The following AP3S2 variants were observed in gnomAD, a reference collection of about 807,000 sequenced individuals.
The protein encoded by AP3S2 is AP-3 complex subunit sigma-2.
In AP3S2, 22 loss-of-function variants were observed where a neutral mutation model predicts 23.4. That is an observed-to-expected ratio of 0.94 (90% CI 0.67 to 1.34). The LOEUF (loss-of-function observed/expected upper bound fraction) is 1.34. Ranked by LOEUF, AP3S2 falls within the 40% of genes most tolerant of loss-of-function variation. AP3S2 has a pLI of 0.00. For missense variants in AP3S2, 241 were observed against 236.9 expected (o/e 1.02, Z -0.11); for synonymous variants, 86 against 87.1 (o/e 0.99, Z 0.07).
At chr15:89,873,158 T>C (rs1012417887) in intron 3 of AP3S2, among the ~76,000 whole-genome samples, 2 of 152,238 alleles carry the variant, frequency 1.3e-5, no homozygotes, top group African/African-American at 2.4e-5. Flanking sequence ...CTTATAATCC[T>C]GCAGTTCAAG....
chr15:89,871,376 A>T, intron 4 of AP3S2, 99 bp downstream of exon 4: 2 of 1,153,014 alleles, frequency 1.7e-6, no homozygotes, highest in Non-Finnish European at 2.4e-6. Flanking sequence ...AGTAAAAAAA[A>T]ACAAGAAACA....
chr15:89,885,593 T>G (rs977387611), intron 3 of AP3S2, among the ~76,000 whole-genome samples: 1 of 152,210 alleles, frequency 6.6e-6, no homozygotes, highest in Non-Finnish European at 1.5e-5. Context: ...TTTCTATTTC[T>G]GACTTCTATC....
At position 89,871,538 on chromosome 15, in the gene AP3S2, C is replaced by T. The variant is rs1159345666; in HGVS notation, c.282G>A (p.Val94=). The change falls in exon 4 of 6, where the codon GTG becomes GTA. Residue 94 remains valine, a synonymous_variant. Transcript: ENST00000336418. ...LGILDLIQVF[V]ETLDKCFENV... ...TTTCGAAACACTTATCCAGAGTTTC[C>T]ACAAAAACCTAGAAAACAAGGAGAA... 6.2e-7 allele frequency: 1 copy of T among 1,612,898 alleles called. No individual in the cohort carries two copies. The highest frequency in any genetic ancestry group is 8.5e-7 in the Non-Finnish European group (1 of 1,179,760).
intron 4 of AP3S2, chr15:89,865,321 C>T (rs918233772): frequency 2.6e-5 from 4 of 152,082 alleles, no homozygotes; most frequent in African/African-American, 4.8e-5. Context: ...ACTCACACTT[C>T]ATTAGCTAAA....
At chr15:89,871,600 T>C (rs1463883545) in intron 3 of AP3S2, 54 bp from the exon 4 acceptor site, 2 of 1,569,238 alleles carry the variant, frequency 1.3e-6, no homozygotes, top group Non-Finnish European at 1.7e-6. Context: ...CATTCACAGC[T>C]TTATCAATGT....
chr15:89,886,789 A>G (rs563897675), intron 3 of AP3S2, among the ~76,000 whole-genome samples: 55 of 152,152 alleles, frequency 3.6e-4, no homozygotes, highest in African/African-American at 1.3e-3. Flanking sequence ...CTGATGCTAG[A>G]TCTTGAGCTT....
intron 3 of AP3S2, among the ~76,000 whole-genome samples, chr15:89,881,533 T>C (rs1896569750): frequency 2.0e-5 from 3 of 152,182 alleles, no homozygotes; most frequent in South Asian, 4.1e-4. Context: ...ATCCAGATTT[T>C]AGAGTTATTG....
At chr15:89,838,831 T>C (rs533425091) in intron 4 of AP3S2, among the ~76,000 whole-genome samples, 3 of 152,150 alleles carry the variant, frequency 2.0e-5, no homozygotes, top group Admixed American at 6.5e-5. Flanking sequence ...GTAGAAGATG[T>C]TGGAAGGAGC....
rs138240625 is a variant in AP3S2 at position 89,847,868 on chromosome 15, T to C, written c.346-10146A>G. ...GCTCATGAAAGCAGACTTAAATCCATAAAGCTACCCAAAATGTGGTACCAG... is the reference window on the plus strand; with the variant it reads ...GCTCATGAAAGCAGACTTAAATCCACAAAGCTACCCAAAATGTGGTACCAG... On this transcript the variant is annotated intron_variant, in intron 4 of 5. Transcript: ENST00000336418. 2.7e-4 allele frequency among the ~76,000 whole-genome samples: 41 copies of C among 152,318 alleles called. No individual in the cohort carries two copies. In the East Asian group the frequency reaches 7.3e-3, roughly 27 times the overall value.
chr15:89,841,042 A>G (rs1371901481), intron 4 of AP3S2, among the ~76,000 whole-genome samples: 1 of 152,204 alleles, frequency 6.6e-6, no homozygotes, highest in African/African-American at 2.4e-5. Context: ...AAGGCTTTCC[A>G]TATATCTAAG....
At chr15:89,844,827 C>T (rs1895446836) in intron 4 of AP3S2, among the ~76,000 whole-genome samples, 1 of 152,166 alleles carries the variant, frequency 6.6e-6, no homozygotes, top group East Asian at 1.9e-4. Flanking sequence ...AGTTATCTTG[C>T]CCAAACCTAA....
intron 4 of AP3S2, among the ~76,000 whole-genome samples, chr15:89,871,206 T>A (rs1344569404): frequency 6.6e-6 from 1 of 152,206 alleles, no homozygotes; most frequent in African/African-American, 2.4e-5. Flanking sequence ...GTGACATCAT[T>A]CTCCTATATC....
At chr15:89,890,598 G>T (rs1337855689) in intron 1 of AP3S2, among the ~76,000 whole-genome samples, 1 of 152,158 alleles carries the variant, frequency 6.6e-6, no homozygotes, top group Non-Finnish European at 1.5e-5. Context: ...AGCAGGTATA[G>T]GTTAAGTCCT....
At chr15:89,878,249 G>A (rs1460718840) in intron 3 of AP3S2, 1 of 646,410 alleles carries the variant, frequency 1.5e-6, no homozygotes, top group Non-Finnish European at 2.7e-6. Flanking sequence ...AAAACTGTAG[G>A]AGAATATTTT....
At chr15:89,839,613 A>G (rs1374084628) in intron 4 of AP3S2, among the ~76,000 whole-genome samples, 1 of 152,218 alleles carries the variant, frequency 6.6e-6, no homozygotes, top group Non-Finnish European at 1.5e-5. Context: ...GGTTCCTCAA[A>G]AAGATTAAAA....
intron 1 of AP3S2, among the ~76,000 whole-genome samples, chr15:89,892,819 C>T (rs1292844842): frequency 3.3e-5 from 5 of 152,222 alleles, no homozygotes; most frequent in Non-Finnish European, 5.9e-5. Flanking sequence ...TGCCCGCCAC[C>T]GCGCTTGGCT....
At position 89,834,324 on chromosome 15, in the gene AP3S2, T is replaced by C. The variant is rs557162958; in HGVS notation, c.*1191A>G. The C allele has an allele frequency of 2.6e-5, 4 of 152,252 alleles. No individual in the cohort carries two copies. Among genetic ancestry groups the C allele is most frequent in the Admixed American group, 1.3e-4 (2 of 15,292 alleles). The allele number at this position is 152,252 out of a possible 1,614,324, so 9.4% of individuals were successfully genotyped here. Reference sequence around the variant, plus strand: ...ACCTTCTGCTCTCATGAGGAGAATGTATTTTAAACTTGGGAAGAGTCATAA... The same window carrying C: ...ACCTTCTGCTCTCATGAGGAGAATGCATTTTAAACTTGGGAAGAGTCATAA... On this transcript the variant is annotated 3_prime_UTR_variant, in exon 6 of 6. Transcript: ENST00000336418.
chr15:89,850,261 T>C (rs1895613193), intron 4 of AP3S2, among the ~76,000 whole-genome samples: 1 of 152,202 alleles, frequency 6.6e-6, no homozygotes, highest in Non-Finnish European at 1.5e-5. Flanking sequence ...TGTCTTCTTG[T>C]CATAAAATTC....
intron 4 of AP3S2, among the ~76,000 whole-genome samples, chr15:89,862,110 G>A (rs1315939294): frequency 6.6e-6 from 1 of 152,172 alleles, no homozygotes; most frequent in East Asian, 1.9e-4. Context: ...GTCAAGGCTA[G>A]TCTAAGAAGT....
Sources: allele counts gnomAD v4.1 joint callset (sites outside exome capture counted in the v4.1 genomes callset), GRCh38; gene constraint gnomAD v4.1.1; transcripts MANE v1.5; gene names NCBI Gene and HGNC (gene_info 2026-07-23, HGNC 2026-07-21).